The following CSMD1 variants were observed in gnomAD, a reference collection of about 807,000 sequenced individuals.
CSMD1 encodes CUB and sushi domain-containing protein 1.
Under a neutral mutation model 417.5 loss-of-function variants are expected in CSMD1, and 213 were observed. That is an observed-to-expected ratio of 0.51 (90% CI 0.46 to 0.57). CSMD1 has a LOEUF of 0.57. CSMD1 is among the 20% of genes least tolerant of loss of function. CSMD1 has a pLI of 0.00. For synonymous variants in CSMD1, 2,862 were observed against 1,736.8 expected (o/e 1.65, Z -16.11); for missense variants, 6,923 against 4,529.7 (o/e 1.53, Z -15.17).
rs183802016 is a variant in CSMD1 at position 3,316,510 on chromosome 8, C to T, written c.3632-8007G>A. Among the ~76,000 whole-genome samples the T allele has an allele frequency of 1.8e-3, 256 of 141,382 alleles. 2 individuals carry two copies. Among genetic ancestry groups the T allele is most frequent in the African/African-American group, 6.7e-3 (248 of 36,950 alleles). 92.8% of individuals were successfully genotyped at this position (141,382 alleles called of 152,430 possible). A position where few individuals can be genotyped will look rare whatever the true frequency, so the allele number is the denominator to read the frequency against. ...ACAAAGGAAACTAGTATATTGGTAG[C>T]TGGAGGGGTTCAGTGAGCCTTGCGG... On this transcript the variant is annotated intron_variant, in intron 23 of 69. Coordinates refer to ENST00000635120, the MANE Select transcript of CSMD1 (RefSeq NM_033225.6).
chr8:3,437,137 G>A (rs903888217), intron 12 of CSMD1, among the ~76,000 whole-genome samples: 5 of 152,076 alleles, frequency 3.3e-5, no homozygotes, highest in Non-Finnish European at 4.4e-5. Flanking sequence ...CTGGTAGGGA[G>A]GGAAAAAAAT....
chr8:4,036,956 GGTGTGTGTGTGTGTGTGT>G (rs57139782), intron 3 of CSMD1, among the ~76,000 whole-genome samples: 21 of 145,936 alleles, frequency 1.4e-4, no homozygotes, highest in Non-Finnish European at 2.1e-4. Context: ...GTGAGTGTGG[GGTGTGTGTGTGTGTGTGT>G]GTGTGTGTGT....
chr8:3,247,784 T>G (rs1033288553), intron 26 of CSMD1, among the ~76,000 whole-genome samples: 18 of 152,082 alleles, frequency 1.2e-4, no homozygotes, highest in Non-Finnish European at 2.5e-4. Context: ...AAAACCAAAT[T>G]ACACATAGAT....
At chr8:4,331,466 C>G (rs1356687659) in intron 3 of CSMD1, among the ~76,000 whole-genome samples, 1 of 152,062 alleles carries the variant, frequency 6.6e-6, no homozygotes, top group Admixed American at 6.6e-5. Flanking sequence ...GCCTTGCCAG[C>G]CTTCTTTTGG....
intron 2 of CSMD1, among the ~76,000 whole-genome samples, chr8:4,436,102 T>G (rs77721658): frequency 6.6e-6 from 1 of 152,150 alleles, no homozygotes; most frequent in East Asian, 1.9e-4. Flanking sequence ...CATGTCCAAC[T>G]GAGCTAAATA....
chr8:4,861,078 G>C lies in CSMD1; in HGVS notation c.85+133254C>G, dbSNP rs141211183. ...AAGCTCCTTTTGTTCTAAAGCTCCA[G>C]AATCTTATCTTATTTTTAGGGGCCA... On this transcript the variant is annotated intron_variant, in intron 1 of 69. Coordinates refer to ENST00000635120, the MANE Select transcript of CSMD1 (RefSeq NM_033225.6). 2.6e-4 allele frequency among the ~76,000 whole-genome samples: 40 copies of C among 152,136 alleles called. 1 individual carries two copies. Among genetic ancestry groups the C allele is most frequent in the African/African-American group, 9.4e-4 (39 of 41,450 alleles).
At chr8:3,550,233 A>G (rs1361933057) in intron 10 of CSMD1, among the ~76,000 whole-genome samples, 4 of 152,114 alleles carry the variant, frequency 2.6e-5, no homozygotes, top group African/African-American at 7.2e-5. Flanking sequence ...CTTCCTTTAG[A>G]ATACATCCTA....
intron 5 of CSMD1, among the ~76,000 whole-genome samples, chr8:3,934,810 G>T (rs539609368): frequency 9.9e-5 from 15 of 152,172 alleles, no homozygotes; most frequent in Non-Finnish European, 1.5e-4. Flanking sequence ...TCACGCCACT[G>T]CACTCCAGCC....
rs555906977 is a variant in CSMD1, at chr8:4,892,378, G to C, written c.85+101954C>G. ...AAAAATGGTGTGAACAAGAGCAAGG[G>C]GGAGTTGAGAATCCTGAGCTTACAG... On this transcript the variant is annotated intron_variant, in intron 1 of 69. Transcript: ENST00000635120. 1.4e-3 allele frequency among the ~76,000 whole-genome samples: 211 copies of C among 152,144 alleles called. 2 individuals are homozygous for C. Among genetic ancestry groups the C allele is most frequent in the African/African-American group, 4.7e-3 (195 of 41,452 alleles).
At chr8:4,295,550 C>T (rs1025796868) in intron 3 of CSMD1, among the ~76,000 whole-genome samples, 2 of 143,038 alleles carry the variant, frequency 1.4e-5, no homozygotes, top group African/African-American at 2.5e-5. Context: ...AATATATAAT[C>T]TTAAGATTAT....
intron 7 of CSMD1, among the ~76,000 whole-genome samples, chr8:3,673,543 A>C (rs1799198476): frequency 6.6e-6 from 1 of 152,168 alleles, no homozygotes; most frequent in African/African-American, 2.4e-5. Context: ...CATCTTCAAT[A>C]TTTCACAAAG....
chr8:3,726,777 T>A (rs775480138), intron 6 of CSMD1, among the ~76,000 whole-genome samples: 7 of 152,208 alleles, frequency 4.6e-5, no homozygotes, highest in Non-Finnish European at 8.8e-5. Context: ...ATTCTTAGCA[T>A]GCCCTCTGAT....
chr8:3,928,942 A>G (rs555321814), intron 5 of CSMD1, among the ~76,000 whole-genome samples: 1 of 150,466 alleles, frequency 6.6e-6, no homozygotes, highest in Non-Finnish European at 1.5e-5. Context: ...AACCTGCAAT[A>G]AAATGAATGC....
intron 36 of CSMD1, among the ~76,000 whole-genome samples, chr8:3,182,371 T>C (rs1821390566): frequency 6.6e-6 from 1 of 152,098 alleles, no homozygotes; most frequent in Non-Finnish European, 1.5e-5. Context: ...TGCTCCACCA[T>C]GTCCTGCTAA....
intron 3 of CSMD1, among the ~76,000 whole-genome samples, chr8:4,121,830 G>A (rs942127001): frequency 3.3e-5 from 5 of 151,766 alleles, no homozygotes; most frequent in African/African-American, 1.2e-4. Context: ...AGGCTTTGGG[G>A]GGGACAAAAA....
rs1803987026 is a variant in CSMD1, at chr8:2,966,648, C to T, written c.9022G>A (p.Gly3008Ser). The stretch of plus-strand genomic sequence containing the variant: ...GTCATGAGCCCTGAGGTCTTGTAGC[C>T]TTCCCAGCAGGCATAGATGACCGAG... The part of the protein sequence containing the change: ...SSSVIYACWE[G>S]YKTSGLMTRH... The change falls in exon 58 of 70, where the codon GGC becomes AGC. Residue 3008 changes from glycine to serine, a missense_variant. By Grantham distance (56) the Gly-to-Ser change is moderately conservative. Coordinates refer to ENST00000635120, the MANE Select transcript of CSMD1 (RefSeq NM_033225.6). 6.2e-7 allele frequency: 1 copy of T among 1,613,642 alleles called. No homozygotes were observed. The highest frequency in any genetic ancestry group is 8.5e-7 in the Non-Finnish European group (1 of 1,179,808).
chr8:4,167,217 A>G (rs1019893569), intron 3 of CSMD1, among the ~76,000 whole-genome samples: 1 of 152,124 alleles, frequency 6.6e-6, no homozygotes, highest in Non-Finnish European at 1.5e-5. Flanking sequence ...AACTTGGAAA[A>G]TCCTGATTTT....
chr8:3,559,802 G>C (rs1265524840), intron 10 of CSMD1, among the ~76,000 whole-genome samples: 1 of 152,062 alleles, frequency 6.6e-6, no homozygotes, highest in Non-Finnish European at 1.5e-5. Context: ...AGTGAGGAGA[G>C]ACAAACAGCT....
chr8:3,865,819 T>C (rs929651231), intron 5 of CSMD1, among the ~76,000 whole-genome samples: 2 of 152,164 alleles, frequency 1.3e-5, no homozygotes, highest in Non-Finnish European at 2.9e-5. Flanking sequence ...ATACTGTAAA[T>C]ACCCTTCTCA....
Sources: allele counts gnomAD v4.1 joint callset (sites outside exome capture counted in the v4.1 genomes callset), GRCh38; gene constraint gnomAD v4.1.1; transcripts MANE v1.5; gene names NCBI Gene and HGNC (gene_info 2026-07-23, HGNC 2026-07-21).